DCDC1: variants seen among roughly 807,000 people sequenced by gnomAD.
The protein encoded by DCDC1 is doublecortin domain containing 1.
In DCDC1, 200 loss-of-function variants were observed where a neutral mutation model predicts 178.3. That is an observed-to-expected ratio of 1.12 (90% CI 1.00 to 1.26). The LOEUF is 1.26. DCDC1 is among the 50% of genes most tolerant of loss of function. The probability of loss-of-function intolerance (pLI) is 0.00; values close to 1 mark genes in which losing one functional copy is unlikely to be tolerated. For synonymous variants in DCDC1, 690 were observed against 604.8 expected (o/e 1.14, Z -2.07); for missense variants, 1,983 against 1,749.2 (o/e 1.13, Z -2.38).
chr11:31,051,233 C>T (rs1818336), intron 20 of DCDC1, among the ~76,000 whole-genome samples: 10,241 of 152,096 alleles, frequency 0.067, 475 homozygotes, highest in Non-Finnish European at 0.09. Context: ...AAATTCAGAG[C>T]TCAAAGACAA....
intron 1 of DCDC1, among the ~76,000 whole-genome samples, chr11:31,346,677 T>C (rs1358080399): frequency 2.6e-5 from 4 of 152,142 alleles, no homozygotes. Context: ...ACTACCATGA[T>C]AAATCTTTTT....
chr11:31,032,734 G>T (rs1953736323), intron 20 of DCDC1, among the ~76,000 whole-genome samples: 1 of 152,198 alleles, frequency 6.6e-6, no homozygotes, highest in Non-Finnish European at 1.5e-5. Context: ...ATTGAAAGAA[G>T]AGAGTTGGTT....
intron 9 of DCDC1, among the ~76,000 whole-genome samples, chr11:31,189,673 T>C (rs1361688908): frequency 6.6e-6 from 1 of 152,190 alleles, no homozygotes; most frequent in African/African-American, 2.4e-5. Flanking sequence ...CCCTCATCAC[T>C]TCAACCTTTG....
At chr11:31,141,234 AG>A (rs1173993023) in intron 9 of DCDC1, among the ~76,000 whole-genome samples, 1 of 152,210 alleles carries the variant, frequency 6.6e-6, no homozygotes, top group East Asian at 1.9e-4. Flanking sequence ...CTTTTATAGG[AG>A]AAAAATACTA....
intron 9 of DCDC1, among the ~76,000 whole-genome samples, chr11:31,232,336 A>T (rs554928076): frequency 1.2e-3 from 184 of 152,264 alleles, no homozygotes; most frequent in African/African-American, 4.3e-3. Context: ...TAACAGTTTT[A>T]AAATCCTGTT....
chr11:31,212,938 A>C (rs1198534790), intron 9 of DCDC1, among the ~76,000 whole-genome samples: 1 of 152,086 alleles, frequency 6.6e-6, no homozygotes, highest in East Asian at 1.9e-4. Flanking sequence ...GATGTGGTAA[A>C]CCTGTGTACT....
At chr11:30,906,829 AATGCTAAATTTAAATTTT>A (rs1461488504) in intron 29 of DCDC1, 104 bp from the exon 30 acceptor site, 11 of 999,434 alleles carry the variant, frequency 1.1e-5, no homozygotes, top group Admixed American at 3.5e-5. Flanking sequence ...AACACCCCAA[AATGCTAAATTTAAATTTT>A]ATGCTAAATT....
At chr11:31,334,823 C>A (rs1227933512) in intron 2 of DCDC1, among the ~76,000 whole-genome samples, 1 of 152,182 alleles carries the variant, frequency 6.6e-6, no homozygotes, top group Admixed American at 6.5e-5. Context: ...TTGGCCCCTG[C>A]TGGGAAGTGT....
At chr11:31,117,324 G>A (rs1960107282) in intron 11 of DCDC1, among the ~76,000 whole-genome samples, 1 of 151,496 alleles carries the variant, frequency 6.6e-6, no homozygotes, top group Non-Finnish European at 1.5e-5. Flanking sequence ...AAACAGGGTA[G>A]ATCCTACTTT....
intron 9 of DCDC1, among the ~76,000 whole-genome samples, chr11:31,179,900 C>T (rs538321309): frequency 2.6e-5 from 4 of 152,266 alleles, no homozygotes; most frequent in Admixed American, 2.6e-4. Flanking sequence ...AAGATATTAG[C>T]AAGCCAAATC....
At chr11:31,321,665 A>G (rs1310634772) in intron 3 of DCDC1, among the ~76,000 whole-genome samples, 1 of 152,140 alleles carries the variant, frequency 6.6e-6, no homozygotes, top group Non-Finnish European at 1.5e-5. Flanking sequence ...CTATTCGGCC[A>G]TCTTGGCTCC....
chr11:31,232,210 G>A (rs1565473478), intron 9 of DCDC1, among the ~76,000 whole-genome samples: 2 of 152,144 alleles, frequency 1.3e-5, no homozygotes, highest in African/African-American at 4.8e-5. Context: ...CCCAACATGG[G>A]TTATGAATTA....
At chr11:31,223,856 T>C (rs1028955421) in intron 9 of DCDC1, among the ~76,000 whole-genome samples, 1 of 152,114 alleles carries the variant, frequency 6.6e-6, no homozygotes, top group South Asian at 2.1e-4. Context: ...CACATATGCA[T>C]ATATACATAT....
intron 12 of DCDC1, among the ~76,000 whole-genome samples, chr11:31,107,931 G>T (rs1958958770): frequency 6.6e-6 from 1 of 152,050 alleles, no homozygotes; most frequent in Non-Finnish European, 1.5e-5. Flanking sequence ...GTCTTTTCTG[G>T]CCTAACTGCA....
rs142104108 is a variant in DCDC1 at position 31,074,564 on chromosome 11, C to A, written c.2298+3301G>T. Among the ~76,000 whole-genome samples, 124 of 152,250 alleles carry A rather than the reference C, an allele frequency of 8.1e-4. 1 individual carries two copies. In the East Asian group the frequency reaches 0.022, roughly 27 times the overall value. The stretch of plus-strand genomic sequence containing the variant: ...GAGGATGTAGCAACAAGGCAGACAG[C>A]AGCCCTCACCAGACACCAAACTTAT... On this transcript the variant is annotated intron_variant, in intron 18 of 38. Transcript: ENST00000684477.
Position 31,306,406 on chromosome 11 carries a change from C to T in DCDC1, c.435-18G>A. Reference sequence around the variant, plus strand: ...CTGCAACCCTGAAGAAAAAGAAAAACAGAAAAATTGATGCATGCTAATTAG... The same window carrying T: ...CTGCAACCCTGAAGAAAAAGAAAAATAGAAAAATTGATGCATGCTAATTAG... On this transcript the variant is annotated intron_variant, in intron 4 of 38. Transcript: ENST00000684477. The T allele has an allele frequency of 6.4e-7, 1 of 1,570,798 alleles. No individual in the cohort carries two copies. Among genetic ancestry groups the T allele is most frequent in the Non-Finnish European group, 8.6e-7 (1 of 1,164,762 alleles).
chr11:30,923,854 T>G (rs1372221272), intron 23 of DCDC1, among the ~76,000 whole-genome samples: 4 of 152,072 alleles, frequency 2.6e-5, no homozygotes, highest in Non-Finnish European at 4.4e-5. Context: ...TAAGCTCAGG[T>G]GATCCACCCA....
At chr11:31,258,905 G>C (rs934308883) in intron 8 of DCDC1, among the ~76,000 whole-genome samples, 1 of 152,030 alleles carries the variant, frequency 6.6e-6, no homozygotes, top group Non-Finnish European at 1.5e-5. Flanking sequence ...TTGAGCATGG[G>C]GTTTAAAAGC....
At chr11:31,092,428 C>A (rs886858098) in intron 16 of DCDC1, among the ~76,000 whole-genome samples, 1 of 152,156 alleles carries the variant, frequency 6.6e-6, no homozygotes, top group African/African-American at 2.4e-5. Context: ...ATTTATTAAG[C>A]ACTTTCTGTA....
Sources: gnomAD v4.1 joint callset for allele counts (sites outside exome capture counted in the v4.1 genomes callset) on GRCh38, gnomAD v4.1.1 for gene constraint, MANE v1.5 for transcripts, NCBI Gene and HGNC (gene_info 2026-07-23, HGNC 2026-07-21) for gene names.